Variants in STARD7 observed in about 807,000 individuals in gnomAD.
STARD7 encodes the protein stAR-related lipid transfer protein 7, mitochondrial.
STARD7 carries 30 observed loss-of-function variants against 45.3 expected under a neutral mutation model. That is an observed-to-expected ratio of 0.66 (90% CI 0.50 to 0.90). The LOEUF is 0.90. Ranked by LOEUF, STARD7 falls within the 40% of genes least tolerant of loss-of-function variation. STARD7 has a pLI of 0.00. For missense variants in STARD7, 495 were observed against 491.3 expected, an observed-to-expected ratio of 1.01 and a Z score of -0.07; for synonymous variants, 199 against 183.0, an observed-to-expected ratio of 1.09 and a Z score of -0.70.
chr2:96,192,480 G>GA lies in STARD7; in HGVS notation c.744-13dup. The GA allele has an allele frequency of 6.2e-7, 1 of 1,601,024 alleles. No homozygotes were observed. The highest frequency in any genetic ancestry group is 1.7e-4 in the Middle Eastern group (1 of 6,046). ...GATGCTCCACAGCACTGGTAAGGAGGAAAGGAGAAGCAAACTCTTAGTAAT... is the reference window on the plus strand; with the variant it reads ...GATGCTCCACAGCACTGGTAAGGAGGAAAAGGAGAAGCAAACTCTTAGTAAT... On this transcript the variant is annotated splice_polypyrimidine_tract_variant and intron_variant, in intron 5 of 7. Transcript: ENST00000337288.
rs1683011710 is a variant in STARD7, at chr2:96,184,982, G to A, written c.*1748C>T. The stretch of plus-strand genomic sequence containing the variant: ...CAGACCCCAAGTGCAGAATCAAATT[G>A]CCCTAAGTCAGAACATGGAGCAACC... On this transcript the variant is annotated 3_prime_UTR_variant, in exon 8 of 8. Transcript: ENST00000337288. 1 of 152,566 alleles carries A rather than the reference G, an allele frequency of 6.6e-6. No homozygotes were observed. The highest frequency in any genetic ancestry group is 6.5e-5 in the Admixed American group (1 of 15,274). The allele number at this position is 152,566 out of a possible 1,614,324, so 9.5% of individuals were successfully genotyped here.
chr2:96,190,335 C>CTTTTT, intron 6 of STARD7, among the ~76,000 whole-genome samples: 1 of 131,700 alleles, frequency 7.6e-6, no homozygotes, highest in Admixed American at 7.8e-5. Flanking sequence ...AAGTCTGTGT[C>CTTTTT]TTTTTTTTTT....
intron 6 of STARD7, among the ~76,000 whole-genome samples, chr2:96,190,335 CT>C (rs1253428303): frequency 0.2 from 26,757 of 131,470 alleles, 1,949 homozygotes; most frequent in East Asian, 0.29. Flanking sequence ...AAGTCTGTGT[CT>C]TTTTTTTTTT....
intron 1 of STARD7, among the ~76,000 whole-genome samples, chr2:96,204,370 T>C (rs1683354483): frequency 6.6e-6 from 1 of 152,006 alleles, no homozygotes. Flanking sequence ...CTGTCCAACA[T>C]GGTGAAACCC....
chr2:96,202,196 T>C (rs530932706), intron 1 of STARD7, among the ~76,000 whole-genome samples: 49 of 152,158 alleles, frequency 3.2e-4, no homozygotes, highest in Non-Finnish European at 5.9e-4. Flanking sequence ...TAGAGACTTC[T>C]AGAAGGGGCT....
At position 96,184,897 on chromosome 2, in the gene STARD7, T is replaced by C. The variant is rs1326260188; in HGVS notation, c.*1833A>G. 1 of 152,662 alleles carries C rather than the reference T, an allele frequency of 6.6e-6. No homozygotes were observed. The highest frequency in any genetic ancestry group is 2.4e-5 in the African/African-American group (1 of 41,458). The allele number at this position is 152,662 out of a possible 1,614,324, so 9.5% of individuals were successfully genotyped here. ...AATCTTTATGTATTTATTCACACAT[T>C]TGATAAAAATGTCACAGTTAGGAGT... On this transcript the variant is annotated 3_prime_UTR_variant, in exon 8 of 8. Transcript: ENST00000337288.
At chr2:96,197,370 A>G (rs1278742209) in intron 1 of STARD7, among the ~76,000 whole-genome samples, 1 of 152,148 alleles carries the variant, frequency 6.6e-6, no homozygotes, top group Admixed American at 6.5e-5. Context: ...GCACCATTGC[A>G]CTCCAGCCTG....
At chr2:96,190,549 G>T (rs993111407) in intron 6 of STARD7, among the ~76,000 whole-genome samples, 1 of 152,044 alleles carries the variant, frequency 6.6e-6, no homozygotes, top group Non-Finnish European at 1.5e-5. Flanking sequence ...TGTTGGCCAG[G>T]CTGGTCTCAA....
In STARD7 at chr2:96,208,802, G is replaced by A. The variant is rs1440915428; in HGVS notation, c.-368C>T. On this transcript the variant is annotated 5_prime_UTR_variant, in exon 1 of 8. Transcript: ENST00000337288. ...ACAGCTCAGGCCCAGCAGCACGCAA[G>A]CTCCCGCGCCTTCCGCGACTGCCAC... The A allele has an allele frequency of 9.9e-6, 4 of 402,296 alleles. No individual in the cohort carries two copies. The highest frequency in any genetic ancestry group is 4.4e-5 in the Admixed American group (1 of 22,714). 24.9% of individuals were successfully genotyped at this position (402,296 alleles called of 1,614,324 possible). A position where few individuals can be genotyped will look rare whatever the true frequency, so the allele number is the denominator to read the frequency against.
intron 6 of STARD7, among the ~76,000 whole-genome samples, chr2:96,190,337 T>C (rs1403443992): frequency 2.3e-5 from 2 of 88,634 alleles, no homozygotes; most frequent in Admixed American, 1.3e-4. Flanking sequence ...GTCTGTGTCT[T>C]TTTTTTTTTT....
intron 1 of STARD7, among the ~76,000 whole-genome samples, chr2:96,196,252 G>A (rs1683204202): frequency 6.6e-6 from 1 of 152,242 alleles, no homozygotes; most frequent in Non-Finnish European, 1.5e-5. Context: ...ACTCCTTGAG[G>A]CCAGGTTCAA....
intron 1 of STARD7, among the ~76,000 whole-genome samples, chr2:96,206,626 C>T (rs1683393853): frequency 6.6e-6 from 1 of 151,576 alleles, no homozygotes; most frequent in East Asian, 1.9e-4. Context: ...CGGTGAAACC[C>T]CGTCTCTACT....
At position 96,193,181 on chromosome 2, in the gene STARD7, G is replaced by T. The variant is rs756993447; in HGVS notation, c.661-21C>A. On this transcript the variant is annotated intron_variant, in intron 4 of 7. Transcript: ENST00000337288. ...GGATACTAAAGAAATGGAGGAGCAG[G>T]ATTAGTGTTCTGCATCACACAAACC... 2.5e-6 allele frequency: 4 copies of T among 1,597,418 alleles called. No individual in the cohort carries two copies. The South Asian group carries it at 4.4e-5, about 18-fold the overall frequency.
chr2:96,195,150 A>G, intron 2 of STARD7, 143 bp from the exon 3 acceptor site: 1 of 829,434 alleles, frequency 1.2e-6, no homozygotes, highest in Non-Finnish European at 1.9e-6. Flanking sequence ...TAGAGCAACA[A>G]AGAAAGACAA....
chr2:96,195,737 T>A (rs1683193352), intron 1 of STARD7, among the ~76,000 whole-genome samples, 188 bp from the exon 2 acceptor site: 1 of 152,154 alleles, frequency 6.6e-6, no homozygotes, highest in Admixed American at 6.5e-5. Flanking sequence ...ACTAACTAGA[T>A]TATTATTTAA....
chr2:96,197,108 A>C (rs1472216380), intron 1 of STARD7, among the ~76,000 whole-genome samples: 7 of 147,370 alleles, frequency 4.7e-5, no homozygotes, highest in South Asian at 2.2e-4. Context: ...AAATAAAATA[A>C]AATAAAATAA....
At chr2:96,188,943 T>C (rs1283358954) in intron 6 of STARD7, among the ~76,000 whole-genome samples, 2 of 151,540 alleles carry the variant, frequency 1.3e-5, no homozygotes, top group Non-Finnish European at 2.9e-5. Context: ...AAAAACACTT[T>C]GGGTGTTTTT....
At chr2:96,200,613 T>G (rs1166309958) in intron 1 of STARD7, among the ~76,000 whole-genome samples, 2 of 152,222 alleles carry the variant, frequency 1.3e-5, no homozygotes, top group African/African-American at 4.8e-5. Flanking sequence ...GTGTTATTAT[T>G]TAAACCTTTT....
At chr2:96,200,144 G>GCTCA (rs1029512692) in intron 1 of STARD7, among the ~76,000 whole-genome samples, 4 of 152,130 alleles carry the variant, frequency 2.6e-5, no homozygotes, top group African/African-American at 9.7e-5. Flanking sequence ...CATAATCACA[G>GCTCA]CTCACTACAG....
Sources: allele counts gnomAD v4.1 joint callset (sites outside exome capture counted in the v4.1 genomes callset), GRCh38; gene constraint gnomAD v4.1.1; transcripts MANE v1.5; gene names NCBI Gene and HGNC (gene_info 2026-07-23, HGNC 2026-07-21).